The following ARHGEF18 variants were observed in gnomAD, a reference collection of about 807,000 sequenced individuals.
The protein encoded by ARHGEF18 is rho guanine nucleotide exchange factor 18.
A neutral mutation model predicts 155.7 loss-of-function variants in ARHGEF18; 93 were observed. That is an observed-to-expected ratio of 0.60 (90% CI 0.50 to 0.71). ARHGEF18 has a LOEUF of 0.71. Among genes scored for constraint, ARHGEF18 ranks in the 30% least tolerant of loss-of-function variants. ARHGEF18 has a pLI of 0.00. For synonymous variants in ARHGEF18, 742 were observed against 753.1 expected, an observed-to-expected ratio of 0.99 and a Z score of 0.24; for missense variants, 1,593 against 1,816.1, an observed-to-expected ratio of 0.88 and a Z score of 2.23.
At chr19:7,391,442 G>A (rs1254117415) in intron 10 of ARHGEF18, among the ~76,000 whole-genome samples, 1 of 152,090 alleles carries the variant, frequency 6.6e-6, no homozygotes, top group Non-Finnish European at 1.5e-5. Context: ...CTTTGAGGCT[G>A]TTTATAATTC....
chr19:7,458,353 T>C (rs1353574170), intron 18 of ARHGEF18, among the ~76,000 whole-genome samples, 159 bp from the exon 19 acceptor site: 5 of 151,908 alleles, frequency 3.3e-5, no homozygotes, highest in African/African-American at 1.2e-4. Flanking sequence ...TAGTATCTTT[T>C]TTCCCCCAGA....
intron 10 of ARHGEF18, among the ~76,000 whole-genome samples, chr19:7,432,807 G>T (rs918954858): frequency 6.6e-6 from 1 of 152,236 alleles, no homozygotes; most frequent in South Asian, 2.1e-4. Context: ...CTGGAAGTCA[G>T]TGTGCCTCTA....
chr19:7,446,083 T>C (rs1339323896), intron 14 of ARHGEF18, among the ~76,000 whole-genome samples: 1 of 152,222 alleles, frequency 6.6e-6, no homozygotes, highest in Non-Finnish European at 1.5e-5. Context: ...GAAGCATTTC[T>C]CTGTTTGAGG....
intron 10 of ARHGEF18, among the ~76,000 whole-genome samples, chr19:7,412,913 T>A (rs1290881472): frequency 1.3e-5 from 2 of 152,070 alleles, no homozygotes; most frequent in African/African-American, 4.8e-5. Context: ...CTTTGCCCAT[T>A]TGTGAATGGG....
chr19:7,472,614 G>A (rs1977093170), downstream of ARHGEF18: 1 of 206,540 alleles, frequency 4.8e-6, no homozygotes, highest in African/African-American at 2.3e-5. Context: ...TGCCCTCCGT[G>A]TCCTGCTTAA....
At chr19:7,453,798 G>C (rs946476827) in intron 17 of ARHGEF18, 83 bp downstream of exon 17, 251 of 1,446,676 alleles carry the variant, frequency 1.7e-4, no homozygotes, top group Non-Finnish European at 2.2e-4. Context: ...CACTGTCTTA[G>C]ATTAGTGGCA....
Position 7,373,054 on chromosome 19 carries a change from C to T in ARHGEF18, c.258C>T (p.Cys86=). Reference sequence around the variant, plus strand: ...GCAGCTGGGAAAGGTCGCGGAGCTGCTCAGAGAGCTGGCGGAGGTCAGTTC... The same window carrying T: ...GCAGCTGGGAAAGGTCGCGGAGCTGTTCAGAGAGCTGGCGGAGGTCAGTTC... ...RRRSWERSRS[C]SESWRRLSLD... The change falls in exon 3 of 29, where the codon TGC becomes TGT. Residue 86 remains cysteine (C), a synonymous_variant. Coordinates refer to ENST00000668164, the MANE Select transcript of ARHGEF18 (RefSeq NM_001367823.1). The T allele has an allele frequency of 3.2e-6, 4 of 1,234,498 alleles. No individual in the cohort carries two copies. The highest frequency in any genetic ancestry group is 3.0e-6 in the Non-Finnish European group (3 of 988,254). 76.5% of individuals were successfully genotyped at this position (1,234,498 alleles called of 1,614,324 possible).
chr19:7,441,184 C>CTTT (rs745422602), intron 11 of ARHGEF18, among the ~76,000 whole-genome samples: 12 of 92,614 alleles, frequency 1.3e-4, no homozygotes, highest in African/African-American at 5.4e-4. Context: ...CCCCCCACCA[C>CTTT]TTTTTTTTTT....
intron 10 of ARHGEF18, among the ~76,000 whole-genome samples, chr19:7,394,604 G>A (rs1363498186): frequency 6.7e-6 from 1 of 148,250 alleles, no homozygotes. Flanking sequence ...GTCCTCCCTC[G>A]GGGTCCCCCC....
chr19:7,406,532 A>T (rs1387712193), intron 10 of ARHGEF18, among the ~76,000 whole-genome samples: 1 of 152,224 alleles, frequency 6.6e-6, no homozygotes, highest in Non-Finnish European at 1.5e-5. Context: ...CCCTGCATTC[A>T]GATACCACCT....
At chr19:7,425,441 G>T (rs4453621) in intron 10 of ARHGEF18, among the ~76,000 whole-genome samples, 16 of 151,326 alleles carry the variant, frequency 1.1e-4, no homozygotes, top group African/African-American at 1.5e-4. Flanking sequence ...CCCAGCAATT[G>T]GAGAGGGTGA....
At chr19:7,356,588 T>C (rs1969317245) in intron 1 of ARHGEF18, among the ~76,000 whole-genome samples, 1 of 152,084 alleles carries the variant, frequency 6.6e-6, no homozygotes, top group Admixed American at 6.6e-5. Flanking sequence ...AAGAGACACT[T>C]CTTAATGCTC....
chr19:7,412,697 G>A (rs1213345068), intron 10 of ARHGEF18, among the ~76,000 whole-genome samples: 1 of 149,850 alleles, frequency 6.7e-6, no homozygotes, highest in African/African-American at 2.5e-5. Flanking sequence ...AACTGAGATC[G>A]AGCCACTGCA....
At position 7,468,902 on chromosome 19, in the gene ARHGEF18, C is replaced by A; in HGVS notation, c.3558C>A (p.Gly1186=). Residue 1186 remains glycine, a synonymous_variant, in exon 27 of 29, where the codon GGC becomes GGA. Coordinates refer to ENST00000668164, the MANE Select transcript of ARHGEF18 (RefSeq NM_001367823.1). Reference sequence around the variant, plus strand: ...CTCGTGTGAGCATGCTGCCATCCGGCGTGGGGCCAGAGTACGCAGAGCGCC... The same window carrying A: ...CTCGTGTGAGCATGCTGCCATCCGGAGTGGGGCCAGAGTACGCAGAGCGCC... The part of the protein sequence containing the change: ...EGPRVSMLPS[G]VGPEYAERPE... The A allele has an allele frequency of 6.3e-7, 1 of 1,575,250 alleles. No homozygotes were observed. The highest frequency in any genetic ancestry group is 8.6e-7 in the Non-Finnish European group (1 of 1,160,810).
chr19:7,403,659 T>G (rs1972141410), intron 10 of ARHGEF18, among the ~76,000 whole-genome samples: 2 of 151,960 alleles, frequency 1.3e-5, no homozygotes, highest in South Asian at 4.2e-4. Flanking sequence ...CGCTTTGTCC[T>G]CCTAAGTAGC....
At chr19:7,422,716 C>CTTTTTT (rs67634093) in intron 10 of ARHGEF18, among the ~76,000 whole-genome samples, 38 of 111,198 alleles carry the variant, frequency 3.4e-4, no homozygotes, top group Admixed American at 5.6e-4. Flanking sequence ...TCTAACTTTT[C>CTTTTTT]TTTTTTTTTT....
At chr19:7,423,692 G>A (rs1973490873) in intron 10 of ARHGEF18, among the ~76,000 whole-genome samples, 2 of 148,812 alleles carry the variant, frequency 1.3e-5, no homozygotes, top group South Asian at 2.1e-4. Flanking sequence ...GTGACAGGGC[G>A]AGAGACTCTA....
chr19:7,375,750 G>C lies in ARHGEF18; in HGVS notation c.306G>C (p.Glu102Asp). Residue 102 changes from glutamate to aspartate, a missense_variant, in exon 4 of 29, where the codon GAG (glutamate) becomes GAC (aspartate). By Grantham distance (45) the Glu-to-Asp change is conservative. Coordinates refer to ENST00000668164, the MANE Select transcript of ARHGEF18 (RefSeq NM_001367823.1). ...GCCTCGATGCCTCAGCTGTGGATGA[G>C]GAACCCTGTCTCCCCCGAACACTGG... ...RLSLDASAVD[E>D]EPCLPRTLAS... The C allele has an allele frequency of 4.1e-6, 5 of 1,234,468 alleles. No homozygotes were observed. Among genetic ancestry groups the C allele is most frequent in the Non-Finnish European group, 3.0e-6 (3 of 988,256 alleles). 76.5% of individuals were successfully genotyped at this position (1,234,468 alleles called of 1,614,324 possible). A position where few individuals can be genotyped will look rare whatever the true frequency, so the allele number is the denominator to read the frequency against.
intron 1 of ARHGEF18, among the ~76,000 whole-genome samples, chr19:7,353,603 GA>G (rs939325292): frequency 2.7e-5 from 4 of 148,446 alleles, no homozygotes; most frequent in Non-Finnish European, 6.0e-5. Flanking sequence ...AAAAAAAAAA[GA>G]AAAAGAAAAG....
Sources: allele counts gnomAD v4.1 joint callset (sites outside exome capture counted in the v4.1 genomes callset), GRCh38; gene constraint gnomAD v4.1.1; transcripts MANE v1.5; gene names NCBI Gene and HGNC (gene_info 2026-07-23, HGNC 2026-07-21).